MDGA2: variants seen among roughly 807,000 people sequenced by gnomAD.
The protein encoded by MDGA2 is MAM domain-containing glycosylphosphatidylinositol anchor protein 2.
A neutral mutation model predicts 117.8 loss-of-function variants in MDGA2; 40 were observed. That is an observed-to-expected ratio of 0.34 (90% CI 0.26 to 0.44). The LOEUF is 0.44. Ranked by LOEUF, MDGA2 falls within the 20% of genes least tolerant of loss-of-function variation. The pLI, the probability that MDGA2 is intolerant of heterozygous loss-of-function variation, is 1.00. For synonymous variants in MDGA2, 452 were observed against 439.0 expected (o/e 1.03, Z -0.37); for missense variants, 1,123 against 1,250.6 (o/e 0.90, Z 1.54).
At chr14:47,164,147 C>T (rs570093916) in intron 3 of MDGA2, among the ~76,000 whole-genome samples, 1 of 152,252 alleles carries the variant, frequency 6.6e-6, no homozygotes, top group East Asian at 1.9e-4. Flanking sequence ...TTGTATGGAA[C>T]AGTTTATTAA....
At chr14:47,619,948 T>A (rs531701017) in intron 1 of MDGA2, among the ~76,000 whole-genome samples, 1 of 152,216 alleles carries the variant, frequency 6.6e-6, no homozygotes, top group Non-Finnish European at 1.5e-5. Context: ...CACACAGCCA[T>A]CCACTTGATT....
chr14:47,400,751 T>G (rs1473523998), intron 1 of MDGA2, among the ~76,000 whole-genome samples: 9 of 19,126 alleles, frequency 4.7e-4, no homozygotes, highest in Non-Finnish European at 2.4e-4. Context: ...TTCTTTTCTT[T>G]TCTTTTCTTT....
chr14:47,190,405 A>C (rs1397805474), intron 3 of MDGA2, among the ~76,000 whole-genome samples: 1 of 152,146 alleles, frequency 6.6e-6, no homozygotes, highest in Non-Finnish European at 1.5e-5. Flanking sequence ...GTATTATATA[A>C]ACACATTGAC....
chr14:46,946,056 C>T, intron 9 of MDGA2, among the ~76,000 whole-genome samples: 1 of 151,944 alleles, frequency 6.6e-6, no homozygotes, highest in Non-Finnish European at 1.5e-5. Context: ...AAATAATATG[C>T]TATAACACAG....
In MDGA2 at chr14:47,335,734, T is replaced by TTA. The variant is rs1555374514; in HGVS notation, c.281-34186_281-34185dup. Among the ~76,000 whole-genome samples the TTA allele has an allele frequency of 6.9e-4, 33 of 48,058 alleles. 6 individuals are homozygous for TTA. Among genetic ancestry groups the TTA allele is most frequent in the African/African-American group, 2.3e-3 (31 of 13,550 alleles). The allele number at this position is 48,058 out of a possible 152,430, so 31.5% of individuals were successfully genotyped here. ...ACACATACACATGCACACATATATT[T>TTA]TATATATATATATACATACATACAT... On this transcript the variant is annotated intron_variant, in intron 1 of 16. Coordinates refer to ENST00000399232, the MANE Select transcript of MDGA2 (RefSeq NM_001113498.3).
intron 3 of MDGA2, among the ~76,000 whole-genome samples, chr14:47,197,250 T>C (rs943576479): frequency 6.6e-6 from 1 of 152,184 alleles, no homozygotes; most frequent in African/African-American, 2.4e-5. Context: ...CCGAATGATA[T>C]GGTACCTGGA....
intron 14 of MDGA2, among the ~76,000 whole-genome samples, chr14:46,861,769 A>G (rs1317637822): frequency 2.0e-5 from 3 of 151,962 alleles, no homozygotes; most frequent in Non-Finnish European, 4.4e-5. Context: ...AGGTGATGAG[A>G]AAAGCAGTGT....
intron 2 of MDGA2, among the ~76,000 whole-genome samples, chr14:47,227,458 T>G (rs925845352): frequency 6.6e-6 from 1 of 152,198 alleles, no homozygotes. Context: ...GCTTTCTTGC[T>G]CCATTATCAG....
intron 1 of MDGA2, among the ~76,000 whole-genome samples, chr14:47,673,954 CCTG>C (rs1898124332): frequency 6.6e-6 from 1 of 152,008 alleles, no homozygotes; most frequent in Non-Finnish European, 1.5e-5. Context: ...GAGAATCTTG[CCTG>C]CTATTTTCCC....
chr14:47,124,371 T>G (rs1316325989), intron 5 of MDGA2, among the ~76,000 whole-genome samples: 2 of 152,130 alleles, frequency 1.3e-5, no homozygotes, highest in African/African-American at 4.8e-5. Context: ...TTTAGAGTTG[T>G]GTTCTTTGTA....
intron 1 of MDGA2, among the ~76,000 whole-genome samples, chr14:47,561,167 T>TTG (rs1895803062): frequency 9.0e-6 from 1 of 111,178 alleles, no homozygotes; most frequent in African/African-American, 3.0e-5. Context: ...TGTTTTGTTT[T>TTG]TTTGTTTGTT....
intron 1 of MDGA2, among the ~76,000 whole-genome samples, chr14:47,396,590 C>T (rs1014618189): frequency 5.3e-5 from 8 of 152,068 alleles, no homozygotes; most frequent in African/African-American, 1.7e-4. Context: ...ATCTATCCAT[C>T]TGACAAAGGG....
chr14:47,510,559 T>A (rs1894618091), intron 1 of MDGA2, among the ~76,000 whole-genome samples: 1 of 152,208 alleles, frequency 6.6e-6, no homozygotes, highest in African/African-American at 2.4e-5. Flanking sequence ...TTAAAAAAAA[T>A]CTGAGGTAAT....
intron 1 of MDGA2, among the ~76,000 whole-genome samples, chr14:47,339,309 C>G (rs1227910210): frequency 1.3e-5 from 2 of 151,964 alleles, no homozygotes; most frequent in Non-Finnish European, 2.9e-5. Flanking sequence ...TTATTTTTCT[C>G]AAGAAAAGAG....
At chr14:46,944,290 A>T (rs192638901) in intron 9 of MDGA2, among the ~76,000 whole-genome samples, 1 of 152,182 alleles carries the variant, frequency 6.6e-6, no homozygotes, top group Admixed American at 6.6e-5. Flanking sequence ...AGATTTAAAG[A>T]TGTCCCACTT....
intron 1 of MDGA2, among the ~76,000 whole-genome samples, chr14:47,499,578 C>T (rs1380141830): frequency 6.6e-6 from 1 of 152,092 alleles, no homozygotes; most frequent in African/African-American, 2.4e-5. Context: ...AGAATCTGAA[C>T]AGTGCAGTTG....
At chr14:47,167,449 T>G (rs1036268713) in intron 3 of MDGA2, among the ~76,000 whole-genome samples, 3 of 152,028 alleles carry the variant, frequency 2.0e-5, no homozygotes, top group Non-Finnish European at 4.4e-5. Flanking sequence ...ACATAAAGCA[T>G]GTGCTGACTG....
intron 10 of MDGA2, among the ~76,000 whole-genome samples, chr14:46,901,495 A>G (rs967995105): frequency 1.3e-5 from 2 of 152,210 alleles, no homozygotes; most frequent in African/African-American, 4.8e-5. Context: ...CTATTAAAGG[A>G]GAGGAAAATC....
intron 1 of MDGA2, among the ~76,000 whole-genome samples, chr14:47,579,647 G>T (rs1177618093): frequency 6.6e-6 from 1 of 151,966 alleles, no homozygotes; most frequent in South Asian, 2.1e-4. Context: ...AAAAAGATAG[G>T]GTAAGTTTTA....
Sources: gnomAD v4.1 joint callset for allele counts (sites outside exome capture counted in the v4.1 genomes callset) on GRCh38, gnomAD v4.1.1 for gene constraint, MANE v1.5 for transcripts, NCBI Gene and HGNC (gene_info 2026-07-23, HGNC 2026-07-21) for gene names.